The following CHRM2 variants were observed in gnomAD, a reference collection of about 807,000 sequenced individuals.
CHRM2 encodes muscarinic acetylcholine receptor M2.
In CHRM2, 8 loss-of-function variants were observed where a neutral mutation model predicts 25.0. The ratio of observed to expected loss-of-function variants is 0.32; its 90% CI spans 0.19 to 0.58. The LOEUF (loss-of-function observed/expected upper bound fraction) is 0.58, where lower values mean the gene tolerates loss of function less well. Among genes scored for constraint, CHRM2 ranks in the 20% least tolerant of loss-of-function variants. CHRM2 has a pLI of 0.88. For synonymous variants in CHRM2, 202 were observed against 205.7 expected, an observed-to-expected ratio of 0.98 and a Z score of 0.15; for missense variants, 440 against 567.1, an observed-to-expected ratio of 0.78 and a Z score of 2.28.
chr7:136,976,505 T>C (rs559376652), intron 2 of CHRM2, among the ~76,000 whole-genome samples: 1 of 152,284 alleles, frequency 6.6e-6, no homozygotes, highest in Admixed American at 6.5e-5. Flanking sequence ...GTGGCTAAGA[T>C]ACTTGTGCAA....
intron 2 of CHRM2, among the ~76,000 whole-genome samples, chr7:136,990,840 CAGT>C (rs948162986): frequency 1.3e-5 from 2 of 152,080 alleles, no homozygotes; most frequent in African/African-American, 4.8e-5. Flanking sequence ...ATTCCACCAG[CAGT>C]AGATGAATGT....
At chr7:136,937,242 T>A (rs1799468042) in intron 2 of CHRM2, among the ~76,000 whole-genome samples, 1 of 152,158 alleles carries the variant, frequency 6.6e-6, no homozygotes, top group South Asian at 2.1e-4. Context: ...ACACACAGGT[T>A]CAGGACAGTT....
chr7:136,978,314 T>A (rs1350188005), intron 2 of CHRM2, among the ~76,000 whole-genome samples: 1 of 152,200 alleles, frequency 6.6e-6, no homozygotes, highest in African/African-American at 2.4e-5. Context: ...TCATTTAGCA[T>A]GGCATACACA....
At chr7:136,961,483 C>T (rs1801079816) in intron 2 of CHRM2, among the ~76,000 whole-genome samples, 2 of 152,044 alleles carry the variant, frequency 1.3e-5, no homozygotes, top group Admixed American at 1.3e-4. Context: ...CATACTCAAC[C>T]AATTTTCTCC....
chr7:136,983,026 T>G (rs917743003), intron 2 of CHRM2, among the ~76,000 whole-genome samples: 1 of 152,230 alleles, frequency 6.6e-6, no homozygotes, highest in Non-Finnish European at 1.5e-5. Context: ...GATAATATCC[T>G]GAAGAGTGTT....
intron 2 of CHRM2, among the ~76,000 whole-genome samples, chr7:136,958,591 G>A (rs1348722833): frequency 6.6e-6 from 1 of 151,462 alleles, no homozygotes; most frequent in Non-Finnish European, 1.5e-5. Flanking sequence ...TGAGAAACTG[G>A]GAATACAGGA....
rs1336043491 is a variant in CHRM2, at chr7:137,019,518, A to G, written c.*3252A>G. The G allele has an allele frequency of 1.3e-5, 2 of 151,878 alleles. No individual in the cohort carries two copies. The highest frequency in any genetic ancestry group is 1.9e-4 in the East Asian group (1 of 5,134). The allele number at this position is 151,878 out of a possible 1,614,324, so 9.4% of individuals were successfully genotyped here. On this transcript the variant is annotated 3_prime_UTR_variant, in exon 4 of 4. Transcript: ENST00000680005. ...ATATTAAGAGCCTCTTTCAGAAACA[A>G]TATCATTTATCTTCTTTGCATTTAC... is the stretch of plus-strand genomic sequence containing the variant.
intron 2 of CHRM2, among the ~76,000 whole-genome samples, chr7:136,896,532 T>C (rs575620202): frequency 2.6e-5 from 4 of 152,230 alleles, no homozygotes; most frequent in African/African-American, 9.6e-5. Context: ...AAGCCTCCAG[T>C]GCTTTTGGAT....
intron 2 of CHRM2, among the ~76,000 whole-genome samples, chr7:136,878,835 G>A (rs755850566): frequency 2.6e-5 from 4 of 151,834 alleles, no homozygotes; most frequent in African/African-American, 4.8e-5. Flanking sequence ...AGTTTTTAAT[G>A]TTTTTTGTTT....
intron 2 of CHRM2, among the ~76,000 whole-genome samples, chr7:136,903,708 T>G (rs1237862763): frequency 6.6e-6 from 1 of 151,902 alleles, no homozygotes; most frequent in Non-Finnish European, 1.5e-5. Context: ...TATTTCTCAT[T>G]TTTATTTATA....
At chr7:136,909,788 A>C (rs539592893) in intron 2 of CHRM2, among the ~76,000 whole-genome samples, 1 of 152,072 alleles carries the variant, frequency 6.6e-6, no homozygotes, top group East Asian at 1.9e-4. Flanking sequence ...TATTTCTTAT[A>C]TAACTAACAC....
In CHRM2 at chr7:136,941,562, G is replaced by A. The variant is rs1257884298; in HGVS notation, c.-124-50625G>A. On this transcript the variant is annotated intron_variant, in intron 2 of 3. Transcript: ENST00000680005. ...CCACATGGGTTTCTTTCACGCAGCC[G>A]AGAGAGAGGCTTATCTTTTCCTATC... is the stretch of plus-strand genomic sequence containing the variant. Among the ~76,000 whole-genome samples, 11 of 152,242 alleles carry A rather than the reference G, an allele frequency of 7.2e-5. No individual in the cohort carries two copies. The East Asian group carries it at 1.5e-3, about 21-fold the overall frequency.
intron 2 of CHRM2, among the ~76,000 whole-genome samples, chr7:136,931,703 A>T (rs1799115775): frequency 6.6e-6 from 1 of 152,136 alleles, no homozygotes; most frequent in Non-Finnish European, 1.5e-5. Context: ...CCTGCCATAC[A>T]CTGTCCAGAC....
intron 3 of CHRM2, among the ~76,000 whole-genome samples, chr7:137,003,144 T>A (rs1316726677): frequency 6.6e-6 from 1 of 152,050 alleles, no homozygotes; most frequent in Non-Finnish European, 1.5e-5. Flanking sequence ...AACAGTTGCA[T>A]CCCCTATACA....
intron 2 of CHRM2, among the ~76,000 whole-genome samples, chr7:136,939,153 A>T (rs187463965): frequency 7.7e-4 from 118 of 152,286 alleles, no homozygotes; most frequent in Non-Finnish European, 7.1e-4. Context: ...AAGCAGTAGC[A>T]GAAGGGAAAC....
chr7:137,003,148 C>T (rs1225003415), intron 3 of CHRM2, among the ~76,000 whole-genome samples: 1 of 152,088 alleles, frequency 6.6e-6, no homozygotes, highest in Non-Finnish European at 1.5e-5. Context: ...GTTGCATCCC[C>T]TATACAGCAT....
intron 2 of CHRM2, among the ~76,000 whole-genome samples, chr7:136,929,717 T>C (rs1563072513): frequency 6.6e-6 from 1 of 152,088 alleles, no homozygotes; most frequent in Non-Finnish European, 1.5e-5. Flanking sequence ...ACGTGAACAA[T>C]TGTGGAACTG....
At chr7:136,906,183 G>A (rs1323917432) in intron 2 of CHRM2, among the ~76,000 whole-genome samples, 1 of 149,852 alleles carries the variant, frequency 6.7e-6, no homozygotes, top group Non-Finnish European at 1.5e-5. Context: ...CATATGGTTT[G>A]TATGTATATA....
intron 2 of CHRM2, among the ~76,000 whole-genome samples, chr7:136,935,947 C>A (rs2130797375): frequency 6.6e-6 from 1 of 152,256 alleles, no homozygotes; most frequent in Non-Finnish European, 1.5e-5. Flanking sequence ...CACTACAGTT[C>A]CTCCCATTGT....
Sources: gnomAD v4.1 joint callset for allele counts (sites outside exome capture counted in the v4.1 genomes callset) on GRCh38, gnomAD v4.1.1 for gene constraint, MANE v1.5 for transcripts, NCBI Gene and HGNC (gene_info 2026-07-23, HGNC 2026-07-21) for gene names.